Variants in DGKI observed in about 807,000 individuals in gnomAD.
DGKI encodes diacylglycerol kinase iota.
DGKI carries 55 observed loss-of-function variants against 147.5 expected under a neutral mutation model. That is an observed-to-expected ratio of 0.37 (90% CI 0.30 to 0.47). The LOEUF (loss-of-function observed/expected upper bound fraction) is 0.47, where lower values mean the gene tolerates loss of function less well. DGKI is among the 20% of genes least tolerant of loss of function. The pLI is 1.00. For missense variants in DGKI, 1,007 were observed against 1,323.8 expected, an observed-to-expected ratio of 0.76 and a Z score of 3.71; for synonymous variants, 469 against 477.1, an observed-to-expected ratio of 0.98 and a Z score of 0.22.
chr7:137,763,032 CTT>C (rs1343127590), intron 1 of DGKI, among the ~76,000 whole-genome samples: 1 of 152,210 alleles, frequency 6.6e-6, no homozygotes. Context: ...TCCATGTTCT[CTT>C]TATTCTCATC....
chr7:137,704,930 C>T (rs1793964023), intron 1 of DGKI, among the ~76,000 whole-genome samples: 1 of 152,096 alleles, frequency 6.6e-6, no homozygotes, highest in African/African-American at 2.4e-5. Flanking sequence ...TCCAGCATGA[C>T]TATCAATCAA....
chr7:137,582,261 G>T (rs2128981527), intron 14 of DGKI, among the ~76,000 whole-genome samples: 1 of 152,148 alleles, frequency 6.6e-6, no homozygotes, highest in Non-Finnish European at 1.5e-5. Flanking sequence ...TTACAGAGAA[G>T]AATTCACTAA....
chr7:137,450,353 T>C (rs1563025978), intron 27 of DGKI, among the ~76,000 whole-genome samples: 1 of 152,202 alleles, frequency 6.6e-6, no homozygotes, highest in African/African-American at 2.4e-5. Flanking sequence ...TAATTAATGG[T>C]TATATATATT....
intron 1 of DGKI, among the ~76,000 whole-genome samples, chr7:137,718,275 G>A (rs895470669): frequency 2.0e-5 from 3 of 152,126 alleles, no homozygotes; most frequent in Non-Finnish European, 2.9e-5. Flanking sequence ...CCAGCTTTAC[G>A]GATGAGGAGA....
intron 12 of DGKI, among the ~76,000 whole-genome samples, chr7:137,591,688 A>G (rs548605173): frequency 6.6e-6 from 1 of 152,214 alleles, no homozygotes; most frequent in Non-Finnish European, 1.5e-5. Flanking sequence ...CCTGACTTTT[A>G]GAGTTGTTTC....
rs139194965 is a variant in DGKI at position 137,498,774 on chromosome 7, T to C, written c.2249-11085A>G. Reference sequence around the variant, plus strand: ...GAATTTGCAATACGAATGAGTGTTATATAAAATATATTGACACTATATTAC... The same window carrying C: ...GAATTTGCAATACGAATGAGTGTTACATAAAATATATTGACACTATATTAC... On this transcript the variant is annotated intron_variant, in intron 21 of 32. Coordinates refer to ENST00000614521, the MANE Select transcript of DGKI (RefSeq NM_001321708.2). 1.9e-3 allele frequency among the ~76,000 whole-genome samples: 289 copies of C among 152,292 alleles called. 3 individuals carry two copies. The highest frequency in any genetic ancestry group is 6.7e-3 in the African/African-American group (278 of 41,558).
At chr7:137,452,372 C>T (rs1814003324) in intron 27 of DGKI, among the ~76,000 whole-genome samples, 1 of 152,140 alleles carries the variant, frequency 6.6e-6, no homozygotes, top group Non-Finnish European at 1.5e-5. Flanking sequence ...GCCAAGGCCC[C>T]TTCATTTTCT....
At chr7:137,819,964 T>C (rs1407792979) in intron 1 of DGKI, among the ~76,000 whole-genome samples, 1 of 152,196 alleles carries the variant, frequency 6.6e-6, no homozygotes, top group Non-Finnish European at 1.5e-5. Flanking sequence ...TCAGAGAGCA[T>C]CGTTGCCCCT....
At chr7:137,423,461 GC>G (rs1812660118) in intron 28 of DGKI, among the ~76,000 whole-genome samples, 1 of 152,182 alleles carries the variant, frequency 6.6e-6, no homozygotes, top group Admixed American at 6.5e-5. Context: ...GTCTGATGTG[GC>G]CTGAGAGTAA....
intron 3 of DGKI, among the ~76,000 whole-genome samples, chr7:137,668,369 G>A (rs1822716577): frequency 6.6e-6 from 1 of 152,220 alleles, no homozygotes; most frequent in Non-Finnish European, 1.5e-5. Flanking sequence ...CTACCTGCAT[G>A]TGTTAAATCT....
chr7:137,738,731 C>T (rs199554280), intron 1 of DGKI, among the ~76,000 whole-genome samples: 4,735 of 150,432 alleles, frequency 0.031, 193 homozygotes, highest in East Asian at 0.15. Context: ...GGTTCCCCCC[C>T]CCCCTTTCCT....
intron 8 of DGKI, among the ~76,000 whole-genome samples, chr7:137,615,398 T>C (rs1820494700): frequency 6.6e-6 from 1 of 152,130 alleles, no homozygotes; most frequent in African/African-American, 2.4e-5. Flanking sequence ...GACCTCCTAC[T>C]GTATACAATA....
At chr7:137,447,703 T>G (rs28670044) in intron 27 of DGKI, among the ~76,000 whole-genome samples, 55,334 of 152,094 alleles carry the variant, frequency 0.36, 10,811 homozygotes, top group East Asian at 0.66. Flanking sequence ...ATACATGGCG[T>G]GTGGGGCCCC....
chr7:137,644,707 A>C (rs1171479111), intron 6 of DGKI, among the ~76,000 whole-genome samples: 1 of 152,164 alleles, frequency 6.6e-6, no homozygotes, highest in Non-Finnish European at 1.5e-5. Context: ...GCTTACTATT[A>C]ATGTCATTTA....
At chr7:137,740,522 A>T (rs1163616257) in intron 1 of DGKI, among the ~76,000 whole-genome samples, 1 of 152,158 alleles carries the variant, frequency 6.6e-6, no homozygotes, top group East Asian at 1.9e-4. Flanking sequence ...CCACAGTCAC[A>T]CTTCCCTACT....
Position 137,469,607 on chromosome 7 carries a change from A to G in DGKI, c.2386T>C (p.Ser796Pro). ...TGTGCTGAGAGAGCCCTGGGGAAGG[A>G]GGTTTCATGGTCCTGGAAAGAGACA... ...QRVHYQDHET[S>P]FPRALSAQRL... The change falls in exon 24 of 33, where the codon TCC becomes CCC. Residue 796 changes from serine to proline, a missense_variant. Coordinates refer to ENST00000614521, the MANE Select transcript of DGKI (RefSeq NM_001321708.2). The G allele has an allele frequency of 6.2e-7, 1 of 1,613,988 alleles. No individual in the cohort carries two copies. The highest frequency in any genetic ancestry group is 8.5e-7 in the Non-Finnish European group (1 of 1,179,954).
chr7:137,498,140 A>G (rs1055414226), intron 21 of DGKI, among the ~76,000 whole-genome samples: 2 of 151,962 alleles, frequency 1.3e-5, no homozygotes, highest in African/African-American at 4.8e-5. Context: ...AGAGAATAAA[A>G]GAGTACAAAA....
intron 19 of DGKI, 111 bp from the exon 20 acceptor site, chr7:137,552,679 C>T (rs1022178351): frequency 1.8e-6 from 2 of 1,108,874 alleles, no homozygotes; most frequent in African/African-American, 1.6e-5. Flanking sequence ...GAGACCAAGG[C>T]AGGTGGATCA....
At chr7:137,666,788 C>T (rs1388696827) in intron 3 of DGKI, among the ~76,000 whole-genome samples, 1 of 152,128 alleles carries the variant, frequency 6.6e-6, no homozygotes, top group Non-Finnish European at 1.5e-5. Context: ...AGGGTTCCAG[C>T]CTAATGAACT....
Sources: allele counts gnomAD v4.1 joint callset (sites outside exome capture counted in the v4.1 genomes callset), GRCh38; gene constraint gnomAD v4.1.1; transcripts MANE v1.5; gene names NCBI Gene and HGNC (gene_info 2026-07-23, HGNC 2026-07-21).